Variants in MYO15A observed in about 807,000 individuals in gnomAD.
MYO15A encodes unconventional myosin-XV.
In MYO15A, 308 loss-of-function variants were observed where a neutral mutation model predicts 394.6. That is an observed-to-expected ratio of 0.78 (90% confidence interval 0.71 to 0.86). MYO15A has a LOEUF of 0.86. Among genes scored for constraint, MYO15A ranks in the 40% least tolerant of loss-of-function variants. The pLI is 0.00. For synonymous variants in MYO15A, 1,957 were observed against 2,003.8 expected (o/e 0.98, Z 0.62); for missense variants, 4,606 against 4,799.1 (o/e 0.96, Z 1.19).
chr17:18,120,731 C>T lies in MYO15A; in HGVS notation c.1931C>T (p.Pro644Leu), dbSNP rs746737801. 2 of 1,475,862 alleles carry T rather than the reference C, an allele frequency of 1.4e-6. No individual in the cohort carries two copies. The highest frequency in any genetic ancestry group is 1.8e-6 in the Non-Finnish European group (2 of 1,124,180). 91.4% of individuals were successfully genotyped at this position (1,475,862 alleles called of 1,614,324 possible). Residue 644 changes from proline to leucine, a missense_variant, in exon 2 of 66, where the codon CCG (proline) becomes CTG (leucine). By Grantham distance (98) the Pro-to-Leu change is moderately conservative. Transcript: ENST00000647165. Reference protein sequence around the residue: ...RARSSNDARRPPAPQPAPRTL... With the variant: ...RARSSNDARRLPAPQPAPRTL... The stretch of plus-strand genomic sequence containing the variant: ...CGCAGCAGCAACGACGCGCGCCGCC[C>T]GCCCGCGCCACAGCCCGCGCCCAGG...
chr17:18,121,074 C>A lies in MYO15A; in HGVS notation c.2274C>A (p.Pro758=), dbSNP rs761299340. 1 of 1,506,160 alleles carries A rather than the reference C, an allele frequency of 6.6e-7. No individual in the cohort carries two copies. Among genetic ancestry groups the A allele is most frequent in the Non-Finnish European group, 8.8e-7 (1 of 1,132,092 alleles). The allele number at this position is 1,506,160 out of a possible 1,614,324, so 93.3% of individuals were successfully genotyped here. A position where few individuals can be genotyped will look rare whatever the true frequency, so the allele number is the denominator to read the frequency against. ...SRRRGAAFGF[P]GASPRASRRR... is the part of the protein sequence containing the mutation. ...GGAGAGGGGCGGCTTTCGGCTTCCC[C>A]GGGGCCTCTCCACGGGCGTCGCGGA... is the stretch of plus-strand genomic sequence containing the variant. The change falls in exon 2 of 66, where the codon CCC becomes CCA. Residue 758 remains proline, a synonymous_variant. Transcript: ENST00000647165. This position sits in a 1 kb window ranked among gnomAD's most constrained non-coding sequence, Gnocchi z 5.3.
intron 9 of MYO15A, 38 bp from the exon 10 acceptor site, chr17:18,131,430 C>T: frequency 6.2e-7 from 1 of 1,613,370 alleles, no homozygotes; most frequent in Non-Finnish European, 8.5e-7. Context: ...ACCAGCCCTC[C>T]TACCCTCACT....
chr17:18,119,232 G>T lies in MYO15A; in HGVS notation c.432G>T (p.Lys144Asn), dbSNP rs778408550. 3 of 1,612,368 alleles carry T rather than the reference G, an allele frequency of 1.9e-6. No homozygotes were observed. The highest frequency in any genetic ancestry group is 2.5e-6 in the Non-Finnish European group (3 of 1,179,910). ...GGCTCACAAAAAAGTTCCTCCTCAA[G>T]AAGGCCGAGGAGTCGGGCAGCGAAC... is the stretch of plus-strand genomic sequence containing the variant. ...INWLTKKFLL[K>N]KAEESGSEQA... Residue 144 changes from lysine to asparagine, a missense_variant, in exon 2 of 66, where the codon AAG (lysine) becomes AAT (asparagine). Transcript: ENST00000647165.
At chr17:18,123,199 C>G (rs2045970098) in intron 2 of MYO15A, 1 of 152,284 alleles carries the variant, frequency 6.6e-6, no homozygotes, top group Admixed American at 6.5e-5. Flanking sequence ...GTCTCAGCCT[C>G]TGCAGACCAT....
chr17:18,151,350 C>A (rs370931822), intron 39 of MYO15A, 45 bp from the exon 40 acceptor site: 3 of 1,614,188 alleles, frequency 1.9e-6, no homozygotes, highest in Non-Finnish European at 2.5e-6. Flanking sequence ...TGTGGTTGTG[C>A]CCCTTGTGGC....
Position 18,179,164 on chromosome 17 carries a change from A to G in MYO15A, c.*294A>G. On this transcript the variant is annotated 3_prime_UTR_variant, in exon 66 of 66. Transcript: ENST00000647165. ...CCATGAGGCCTCCTGCCATGTACCC[A>G]TTGCAGACCCTGCCCCTAACTCCTG... The G allele has an allele frequency of 2.0e-6, 1 of 506,174 alleles. No individual in the cohort carries two copies. The highest frequency in any genetic ancestry group is 3.6e-6 in the Non-Finnish European group (1 of 276,786). The allele number at this position is 506,174 out of a possible 1,614,324, so 31.4% of individuals were successfully genotyped here. A position where few individuals can be genotyped will look rare whatever the true frequency, so the allele number is the denominator to read the frequency against.
chr17:18,116,253 G>C (rs1264256465), intron 1 of MYO15A, among the ~76,000 whole-genome samples: 1 of 152,230 alleles, frequency 6.6e-6, no homozygotes, highest in Non-Finnish European at 1.5e-5. Flanking sequence ...CTTGGTCAGG[G>C]CCCTCCCCCT....
Position 18,138,168 on chromosome 17 carries a change from C to G in MYO15A, c.4929C>G (p.Asn1643Lys). ...GGCAGGAGATCACCTTTGCTGACAA[C>G]CAGCCCTGCATCAACCTCATCTCAC... is the stretch of plus-strand genomic sequence containing the variant. ...IDWQEITFAD[N>K]QPCINLISLK... Residue 1643 changes from asparagine (N) to lysine (K), a missense_variant, in exon 17 of 66, where the codon AAC (asparagine) becomes AAG (lysine). Asn to Lys is a moderately conservative substitution (Grantham distance 94). Coordinates refer to ENST00000647165, the MANE Select transcript of MYO15A (RefSeq NM_016239.4). 6.2e-7 allele frequency: 1 copy of G among 1,613,714 alleles called. No homozygotes were observed. Among genetic ancestry groups the G allele is most frequent in the Non-Finnish European group, 8.5e-7 (1 of 1,180,002 alleles).
intron 65 of MYO15A, among the ~76,000 whole-genome samples, chr17:18,174,281 C>G (rs2046982936): frequency 6.6e-6 from 1 of 152,166 alleles, no homozygotes; most frequent in African/African-American, 2.4e-5. Context: ...TGAGACCCAC[C>G]TGCCCTGTGC....
chr17:18,157,096 G>A, intron 49 of MYO15A, 31 bp downstream of exon 49: 1 of 1,613,036 alleles, frequency 6.2e-7, no homozygotes, highest in Non-Finnish European at 8.5e-7. Context: ...CTGGGGGCAG[G>A]AGGGGGAGGC....
chr17:18,142,760 C>T lies in MYO15A; in HGVS notation c.5830C>T (p.Arg1944Cys), dbSNP rs199968059. Residue 1944 changes from arginine to cysteine, a missense_variant, in exon 25 of 66, where the codon CGC becomes TGC. Coordinates refer to ENST00000647165, the MANE Select transcript of MYO15A (RefSeq NM_016239.4). ...CTCCCCACTACCCCAACCCAGGCAA[C>T]GCTATCAGCAGATGAGGAGGAGTCT... ...SRARGYLARQ[R>C]YQQMRRSLVK... is the part of the protein sequence containing the mutation. 36 of 1,613,388 alleles carry T rather than the reference C, an allele frequency of 2.2e-5. No homozygotes were observed. The highest frequency in any genetic ancestry group is 1.6e-4 in the African/African-American group (12 of 74,892).
At chr17:18,138,366 G>C in intron 17 of MYO15A, 120 bp downstream of exon 17, 1 of 1,293,956 alleles carries the variant, frequency 7.7e-7, no homozygotes, top group South Asian at 1.3e-5. Flanking sequence ...GTGGGGGGTT[G>C]GGACACCCGA....
Position 18,124,534 on chromosome 17 carries a change from G to C in MYO15A, c.3661G>C (p.Glu1221Gln). 1.2e-6 allele frequency: 2 copies of C among 1,613,278 alleles called. No homozygotes were observed. Among genetic ancestry groups the C allele is most frequent in the South Asian group, 2.2e-5 (2 of 91,080 alleles). Residue 1221 changes from glutamate (E) to glutamine (Q), a missense_variant, in exon 3 of 66, where the codon GAG (glutamate) becomes CAG (glutamine). Glu to Gln is a conservative substitution (Grantham distance 29, BLOSUM62 2). Coordinates refer to ENST00000647165, the MANE Select transcript of MYO15A (RefSeq NM_016239.4). ...CATGCGGTTCCGTGAGCAGCACGGGGAGGATGGTGTGGAGGACATGACACA... is the reference window on the plus strand; with the variant it reads ...CATGCGGTTCCGTGAGCAGCACGGGCAGGATGGTGTGGAGGACATGACACA... ...PSMRFREQHG[E>Q]DGVEDMTQLE... is the part of the protein sequence containing the mutation.
intron 14 of MYO15A, 41 bp downstream of exon 14, chr17:18,136,516 C>A (rs755924901): frequency 6.2e-7 from 1 of 1,613,820 alleles, no homozygotes; most frequent in South Asian, 1.1e-5. Flanking sequence ...CGAGGCCCAG[C>A]ACCCCACCAC....
intron 23 of MYO15A, 77 bp from the exon 24 acceptor site, chr17:18,142,002 G>A (rs1447991602): frequency 1.1e-5 from 17 of 1,562,814 alleles, no homozygotes; most frequent in Admixed American, 6.7e-5. Flanking sequence ...CTGTCTCCAC[G>A]GACTTCTAGA....
Position 18,161,423 on chromosome 17 carries a change from C to T in MYO15A, c.9493C>T (p.Arg3165Trp), listed in dbSNP as rs200983910. Residue 3165 changes from arginine to tryptophan, a missense_variant, in exon 57 of 66, where the codon CGG (arginine) becomes TGG (tryptophan). Arg to Trp is a moderately radical substitution (Grantham distance 101). This residue lies in a region of MYO15A where 2,776 missense variants were observed against 3,109.3 expected (regional missense o/e 0.89). Transcript: ENST00000647165. The stretch of plus-strand genomic sequence containing the variant: ...CACTCGCTTCCTCCAAGACGTGAGC[C>T]GGACCCCAGGCCTGCCCTTTCAGGG... ...HLTRFLQDVS[R>W]TPGLPFQGIA... 1.1e-4 allele frequency: 176 copies of T among 1,613,986 alleles called. No individual in the cohort carries two copies. The highest frequency in any genetic ancestry group is 1.4e-4 in the Non-Finnish European group (168 of 1,180,018).
In MYO15A at chr17:18,119,098, A is replaced by C; in HGVS notation, c.298A>C (p.Lys100Gln). The C allele has an allele frequency of 1.2e-6, 2 of 1,612,000 alleles. No individual in the cohort carries two copies. The highest frequency in any genetic ancestry group is 1.7e-6 in the Non-Finnish European group (2 of 1,179,640). ...MRMGKKKRAM[K>Q]GKKPSFMVIR... ...CATGGGCAAGAAGAAGCGGGCGATG[A>C]AGGGCAAGAAGCCGTCCTTCATGGT... is the stretch of plus-strand genomic sequence containing the variant. The change falls in exon 2 of 66, where the codon AAG (lysine) becomes CAG (glutamine). Residue 100 changes from lysine (K) to glutamine (Q), a missense_variant. Physicochemically the swap from Lys to Gln is moderately conservative, Grantham distance 53 (BLOSUM62 1). Coordinates refer to ENST00000647165, the MANE Select transcript of MYO15A (RefSeq NM_016239.4).
chr17:18,126,661 A>G, intron 5 of MYO15A, 130 bp from the exon 6 acceptor site: 1 of 1,191,882 alleles, frequency 8.4e-7, no homozygotes, highest in East Asian at 2.3e-5. Flanking sequence ...TGGGGGTGGG[A>G]GCATTCCCCC....
intron 25 of MYO15A, among the ~76,000 whole-genome samples, chr17:18,143,132 TGG>T (rs1414484118): frequency 2.0e-5 from 3 of 152,236 alleles, no homozygotes; most frequent in Non-Finnish European, 4.4e-5. Context: ...TGAATGTCAC[TGG>T]GTATGGTTTT....
Sources: gnomAD v4.1 joint callset for allele counts (sites outside exome capture counted in the v4.1 genomes callset) on GRCh38, gnomAD v4.1.1 for gene constraint, gnomAD v4.1.1 regional missense constraint, Gnocchi (gnomAD v3.1) non-coding constraint, MANE v1.5 for transcripts, NCBI Gene and HGNC (gene_info 2026-07-23, HGNC 2026-07-21) for gene names.